The following NRP1 variants were observed in gnomAD, a reference collection of about 807,000 sequenced individuals.
NRP1 encodes neuropilin-1.
In NRP1, 35 loss-of-function variants were observed where a neutral mutation model predicts 106.7. The ratio of observed to expected loss-of-function variants is 0.33; its 90% confidence interval spans 0.25 to 0.43. The LOEUF (loss-of-function observed/expected upper bound fraction) is 0.43. NRP1 is among the 20% of genes least tolerant of loss of function. The probability of loss-of-function intolerance (pLI) is 1.00; values close to 1 mark genes in which losing one functional copy is unlikely to be tolerated. For synonymous variants in NRP1, 437 were observed against 417.9 expected (o/e 1.05, Z -0.56); for missense variants, 1,024 against 1,170.4 (o/e 0.87, Z 1.83).
chr10:33,278,421 C>G (rs931523658), intron 2 of NRP1, among the ~76,000 whole-genome samples: 2 of 152,110 alleles, frequency 1.3e-5, no homozygotes, highest in Non-Finnish European at 2.9e-5. Context: ...CTAAGGAGAC[C>G]AGAGCAGCAA....
chr10:33,251,242 T>C (rs1356971450), intron 6 of NRP1, among the ~76,000 whole-genome samples: 11 of 152,156 alleles, frequency 7.2e-5, no homozygotes, highest in Non-Finnish European at 1.3e-4. Flanking sequence ...AAGACGTGCC[T>C]GCTTCCCCTT....
chr10:33,221,828 C>T lies in NRP1; in HGVS notation c.1173G>A (p.Val391=). The T allele has an allele frequency of 1.9e-6, 3 of 1,613,942 alleles. No individual in the cohort carries two copies. The highest frequency in any genetic ancestry group is 2.5e-6 in the Non-Finnish European group (3 of 1,179,890). The change falls in exon 8 of 17, where the codon GTG becomes GTA. Residue 391 remains valine, a synonymous_variant. Coordinates refer to ENST00000374867, the MANE Select transcript of NRP1 (RefSeq NM_003873.7). ...FQGNTNPTDV[V]VAVFPKPLIT... The stretch of plus-strand genomic sequence containing the variant: ...TCAGTGGTTTGGGGAATACTGCAAC[C>T]ACAACATCTGTGGGGTTGGTGTTTC...
In NRP1 at chr10:33,177,647, T is replaced by C. The variant is rs184871784; in HGVS notation, c.*2429A>G. ...TTTAAAGTTAAGGCTTCGCTGTTCA[T>C]TTTGAAACAACAATTTACAAGTGTC... is the stretch of plus-strand genomic sequence containing the variant. On this transcript the variant is annotated 3_prime_UTR_variant, in exon 17 of 17. Coordinates refer to ENST00000374867, the MANE Select transcript of NRP1 (RefSeq NM_003873.7). 6 of 152,768 alleles carry C rather than the reference T, an allele frequency of 3.9e-5. No individual in the cohort carries two copies. In the East Asian group the frequency reaches 9.6e-4, roughly 25 times the overall value. The allele number at this position is 152,768 out of a possible 1,614,324, so 9.5% of individuals were successfully genotyped here.
chr10:33,256,377 G>T lies in NRP1; in HGVS notation c.753C>A (p.Ser251Arg), dbSNP rs747799575. ...GILSMVFYTD[S>R]AIAKEGFSAN... ...CTGAGAAACCTTCTTTTGCTATCGC[G>T]CTGTCGGTGTAAAAAACCATGGAGA... is the stretch of plus-strand genomic sequence containing the variant. Residue 251 changes from serine to arginine, a missense_variant, in exon 5 of 17, where the codon AGC becomes AGA. Coordinates refer to ENST00000374867, the MANE Select transcript of NRP1 (RefSeq NM_003873.7). 1 of 1,614,116 alleles carries T rather than the reference G, an allele frequency of 6.2e-7. No homozygotes were observed. Among genetic ancestry groups the T allele is most frequent in the South Asian group, 1.1e-5 (1 of 91,082 alleles).
chr10:33,215,444 C>T (rs1281764149), intron 8 of NRP1, among the ~76,000 whole-genome samples: 1 of 152,200 alleles, frequency 6.6e-6, no homozygotes, highest in African/African-American at 2.4e-5. Context: ...TTTATGTCTT[C>T]TAAAGCAGCC....
At chr10:33,261,215 C>G (rs557778256) in intron 4 of NRP1, among the ~76,000 whole-genome samples, 1 of 152,090 alleles carries the variant, frequency 6.6e-6, no homozygotes, top group African/African-American at 2.4e-5. Flanking sequence ...AATTGTTCCT[C>G]GATTCAACTC....
intron 2 of NRP1, among the ~76,000 whole-genome samples, chr10:33,271,819 A>C (rs1182693153): frequency 6.6e-6 from 1 of 152,204 alleles, no homozygotes; most frequent in Admixed American, 6.5e-5. Context: ...ATTTGGTGTT[A>C]TGTATTTCTT....
chr10:33,222,777 C>T (rs112500173), intron 7 of NRP1, among the ~76,000 whole-genome samples: 2 of 152,182 alleles, frequency 1.3e-5, no homozygotes, highest in African/African-American at 4.8e-5. Flanking sequence ...CTCCTGCCTC[C>T]GTCTCCCAAA....
chr10:33,185,301 T>G (rs539074191), intron 15 of NRP1, among the ~76,000 whole-genome samples: 1 of 152,336 alleles, frequency 6.6e-6, no homozygotes, highest in East Asian at 1.9e-4. Flanking sequence ...ATGTCTGACT[T>G]TCCACTGTTC....
At chr10:33,211,470 G>C (rs982140937) in intron 9 of NRP1, 2 of 152,256 alleles carry the variant, frequency 1.3e-5, no homozygotes, top group African/African-American at 4.8e-5. Context: ...AGGGGAAAAT[G>C]AAAGGGACAC....
chr10:33,221,919 A>G lies in NRP1; in HGVS notation c.1138-56T>C, dbSNP rs1839275393. Reference sequence around the variant, plus strand: ...GCAGAGGTTTTGGATTTAAATCCATAAATGTGTTTTCACAAATGGTTGTAA... The same window carrying G: ...GCAGAGGTTTTGGATTTAAATCCATGAATGTGTTTTCACAAATGGTTGTAA... On this transcript the variant is annotated intron_variant, in intron 7 of 16. Transcript: ENST00000374867. 3.9e-6 allele frequency: 6 copies of G among 1,554,484 alleles called. 1 individual carries two copies. In the South Asian group the frequency reaches 6.9e-5, roughly 18 times the overall value.
At chr10:33,330,482 G>A (rs1039487758) in intron 2 of NRP1, among the ~76,000 whole-genome samples, 1 of 151,996 alleles carries the variant, frequency 6.6e-6, no homozygotes, top group African/African-American at 2.4e-5. Context: ...CTAACAGGAA[G>A]GAGTATAAGA....
In NRP1 at chr10:33,178,163, G is replaced by C. The variant is rs541611186; in HGVS notation, c.*1913C>G. The C allele has an allele frequency of 6.6e-6, 1 of 152,658 alleles. No individual in the cohort carries two copies. The highest frequency in any genetic ancestry group is 6.5e-5 in the Admixed American group (1 of 15,294). 9.5% of individuals were successfully genotyped at this position (152,658 alleles called of 1,614,324 possible). A position where few individuals can be genotyped will look rare whatever the true frequency, so the allele number is the denominator to read the frequency against. ...GGCATTCTCAATCCAATTTAACTAA[G>C]ATGAATGGACTGTCTCGTCTATGAT... On this transcript the variant is annotated 3_prime_UTR_variant, in exon 17 of 17. Coordinates refer to ENST00000374867, the MANE Select transcript of NRP1 (RefSeq NM_003873.7).
At chr10:33,271,681 T>G (rs1843319635) in intron 2 of NRP1, among the ~76,000 whole-genome samples, 1 of 152,158 alleles carries the variant, frequency 6.6e-6, no homozygotes, top group Admixed American at 6.5e-5. Context: ...GTAAGGAAAG[T>G]GACAATAAAA....
rs771569248 is a variant in NRP1 at position 33,213,542 on chromosome 10, T to C, written c.1458A>G (p.Gln486=). The C allele has an allele frequency of 6.2e-7, 1 of 1,614,026 alleles. No homozygotes were observed. Among genetic ancestry groups the C allele is most frequent in the South Asian group, 1.1e-5 (1 of 91,056 alleles). The change falls in exon 9 of 17, where the codon CAA becomes CAG. Residue 486 remains glutamine (Q), a synonymous_variant. Coordinates refer to ENST00000374867, the MANE Select transcript of NRP1 (RefSeq NM_003873.7). The part of the protein sequence containing the change: ...APHSYINEWL[Q]IDLGEEKIVR... The stretch of plus-strand genomic sequence containing the variant: ...CGATCTTCTCCTCCCCCAGGTCTAT[T>C]TGGAGCCACTCATTGATGTAGGAAT...
At chr10:33,324,921 G>A (rs1847782877) in intron 2 of NRP1, among the ~76,000 whole-genome samples, 2 of 152,178 alleles carry the variant, frequency 1.3e-5, no homozygotes, top group African/African-American at 2.4e-5. Flanking sequence ...GTGAGCCACC[G>A]TGCCTGGCCT....
At chr10:33,270,044 A>C (rs2133291718) in intron 3 of NRP1, among the ~76,000 whole-genome samples, 1 of 152,338 alleles carries the variant, frequency 6.6e-6, no homozygotes. Flanking sequence ...CCCTGTCAGT[A>C]GAAAAATTTT....
At chr10:33,237,104 C>T (rs573932468) in intron 6 of NRP1, among the ~76,000 whole-genome samples, 6 of 152,192 alleles carry the variant, frequency 3.9e-5, no homozygotes, top group African/African-American at 1.4e-4. Context: ...AATCATGGAG[C>T]TTCACACATC....
Position 33,330,647 on chromosome 10 carries a change from G to T in NRP1, c.248+61C>A, listed in dbSNP as rs1433326041. The T allele has an allele frequency of 1.1e-5, 16 of 1,440,724 alleles. No individual in the cohort carries two copies. The East Asian group carries it at 1.9e-4, about 17-fold the overall frequency. 89.2% of individuals were successfully genotyped at this position (1,440,724 alleles called of 1,614,324 possible). On this transcript the variant is annotated intron_variant, in intron 2 of 16. Coordinates refer to ENST00000374867, the MANE Select transcript of NRP1 (RefSeq NM_003873.7). Reference sequence around the variant, plus strand: ...CATTGTACACACCGACTTCCCCCCCGTAGACAGGCGTGACCACTAGATGGT... The same window carrying T: ...CATTGTACACACCGACTTCCCCCCCTTAGACAGGCGTGACCACTAGATGGT...
Sources: gnomAD v4.1 joint callset for allele counts (sites outside exome capture counted in the v4.1 genomes callset) on GRCh38, gnomAD v4.1.1 for gene constraint, MANE v1.5 for transcripts, NCBI Gene and HGNC (gene_info 2026-07-23, HGNC 2026-07-21) for gene names.